The following GALNT2 variants were observed in gnomAD, a reference collection of about 807,000 sequenced individuals.
The protein encoded by GALNT2 is UDP-GalNAc:polypeptide N-acetylgalactosaminyltransferase 2.
In GALNT2, 31 loss-of-function variants were observed where a neutral mutation model predicts 81.4. The ratio of observed to expected loss-of-function variants is 0.38; its 90% CI spans 0.29 to 0.51. The LOEUF (loss-of-function observed/expected upper bound fraction) is 0.51. Ranked by LOEUF, GALNT2 falls within the 20% of genes least tolerant of loss-of-function variation. The pLI is 0.87. For synonymous variants in GALNT2, 303 were observed against 287.4 expected (o/e 1.05, Z -0.55); for missense variants, 629 against 765.7 (o/e 0.82, Z 2.11).
chr1:230,097,759 T>A (rs1660292441), intron 1 of GALNT2, among the ~76,000 whole-genome samples: 1 of 152,254 alleles, frequency 6.6e-6, no homozygotes, highest in Non-Finnish European at 1.5e-5. Flanking sequence ...TCATTTATTC[T>A]TGATATCTCA....
intron 1 of GALNT2, among the ~76,000 whole-genome samples, chr1:230,171,772 T>C (rs1412093016): frequency 6.6e-6 from 1 of 152,252 alleles, no homozygotes; most frequent in Non-Finnish European, 1.5e-5. Context: ...ATGTTTATTT[T>C]AGTGGTGTTT....
At chr1:230,255,883 G>A (rs755362082) in intron 11 of GALNT2, among the ~76,000 whole-genome samples, 21 of 152,264 alleles carry the variant, frequency 1.4e-4, no homozygotes, top group African/African-American at 1.9e-4. Flanking sequence ...CATTTTATGC[G>A]TCTCTAACCA....
intron 1 of GALNT2, among the ~76,000 whole-genome samples, chr1:230,170,103 C>T (rs1236057885): frequency 6.6e-6 from 1 of 152,188 alleles, no homozygotes; most frequent in Non-Finnish European, 1.5e-5. Flanking sequence ...TGTACTCTAC[C>T]CAGGTCTTCA....
At chr1:230,167,391 C>T (rs1262854819) in intron 1 of GALNT2, among the ~76,000 whole-genome samples, 1 of 152,232 alleles carries the variant, frequency 6.6e-6, no homozygotes, top group Non-Finnish European at 1.5e-5. Context: ...AAGTTGTCCT[C>T]CCACCTTGGC....
intron 14 of GALNT2, among the ~76,000 whole-genome samples, chr1:230,273,946 A>C (rs1666216786): frequency 6.6e-6 from 1 of 152,188 alleles, no homozygotes; most frequent in Admixed American, 6.5e-5. Flanking sequence ...TACACGATAT[A>C]TTTTGCTTAC....
intron 1 of GALNT2, among the ~76,000 whole-genome samples, chr1:230,094,929 C>G (rs1046710226): frequency 2.0e-5 from 3 of 152,084 alleles, no homozygotes; most frequent in African/African-American, 7.2e-5. Context: ...TGCCGTAGCT[C>G]CTACTGAGGG....
At chr1:230,260,465 T>C (rs1665846433) in intron 11 of GALNT2, among the ~76,000 whole-genome samples, 2 of 152,200 alleles carry the variant, frequency 1.3e-5, no homozygotes, top group Non-Finnish European at 2.9e-5. Flanking sequence ...AATTTTTAAG[T>C]GATTTAGTCA....
rs2102783457 is a variant in GALNT2, at chr1:230,275,876, CAG to C, written c.1560+1314_1560+1315del. 6.6e-6 allele frequency among the ~76,000 whole-genome samples: 1 copy of C among 150,832 alleles called. No individual in the cohort carries two copies. Among genetic ancestry groups the C allele is most frequent in the South Asian group, 2.1e-4 (1 of 4,800 alleles). On this transcript the variant is annotated intron_variant, in intron 15 of 15. Coordinates refer to ENST00000366672, the MANE Select transcript of GALNT2 (RefSeq NM_004481.5). The surrounding 1 kb of genome is among the most constrained non-coding windows in gnomAD (Gnocchi z 5.5). ...CATAGATATACATATATAAATGCCA[CAG>C]ATATATACATATATAAACACCACAT...
chr1:230,187,922 G>T (rs12565844), intron 2 of GALNT2, among the ~76,000 whole-genome samples: 26,294 of 151,288 alleles, frequency 0.17, 2,608 homozygotes, highest in South Asian at 0.34. Flanking sequence ...GTAGGGCCTG[G>T]GGTTTTTATG....
chr1:230,149,837 G>A (rs989228821), intron 1 of GALNT2, among the ~76,000 whole-genome samples: 1 of 152,094 alleles, frequency 6.6e-6, no homozygotes, highest in Admixed American at 6.5e-5. Flanking sequence ...CTCTTTAAGA[G>A]TTCTGTCTCC....
chr1:230,064,948 G>A (rs185626799), upstream of GALNT2, among the ~76,000 whole-genome samples: 2 of 152,202 alleles, frequency 1.3e-5, no homozygotes, highest in Admixed American at 6.5e-5. Flanking sequence ...AAATCTAATC[G>A]TTTTACTAAA....
At chr1:230,154,860 G>T (rs1017760676) in intron 1 of GALNT2, among the ~76,000 whole-genome samples, 3 of 152,154 alleles carry the variant, frequency 2.0e-5, no homozygotes, top group African/African-American at 2.4e-5. Context: ...GGCAGCCCTG[G>T]CATACTTACT....
intron 11 of GALNT2, 50 bp from the exon 12 acceptor site, chr1:230,262,523 T>C: frequency 2.7e-6 from 4 of 1,506,218 alleles, no homozygotes; most frequent in Non-Finnish European, 3.7e-6. Context: ...AATGGAGTGA[T>C]GCAGACAGAA....
intron 3 of GALNT2, among the ~76,000 whole-genome samples, chr1:230,217,683 A>C (rs560960073): frequency 1.3e-5 from 2 of 152,318 alleles, no homozygotes; most frequent in African/African-American, 4.8e-5. Context: ...GTCTGGTGAG[A>C]ATCTGGTTTC....
chr1:230,226,716 C>T (rs554840885), intron 3 of GALNT2, among the ~76,000 whole-genome samples: 7 of 152,216 alleles, frequency 4.6e-5, no homozygotes, highest in Non-Finnish European at 7.3e-5. Context: ...ATCGCACCCG[C>T]GGACATTTCT....
intron 3 of GALNT2, among the ~76,000 whole-genome samples, chr1:230,215,759 A>G (rs890529675): frequency 6.6e-6 from 1 of 152,244 alleles, no homozygotes; most frequent in Admixed American, 6.5e-5. Context: ...GTAAAACAAT[A>G]ATCATGCTTG....
rs1659353126 is a variant in GALNT2 at position 230,070,972 on chromosome 1, A to G, written c.126+3566A>G. On this transcript the variant is annotated intron_variant, in intron 1 of 15. Transcript: ENST00000366672. This position sits in a 1 kb window ranked among gnomAD's most constrained non-coding sequence, Gnocchi z 4.7. ...TTAGTGACCTTCACTGATGCATTGA[A>G]CCTCTCTGACCCTCAGTTTCCTCAT... Among the ~76,000 whole-genome samples the G allele has an allele frequency of 6.6e-6, 1 of 151,744 alleles. No individual in the cohort carries two copies. Among genetic ancestry groups the G allele is most frequent in the Non-Finnish European group, 1.5e-5 (1 of 67,934 alleles).
At chr1:230,082,160 C>T (rs1659753175) in intron 1 of GALNT2, among the ~76,000 whole-genome samples, 1 of 152,230 alleles carries the variant, frequency 6.6e-6, no homozygotes, top group Admixed American at 6.5e-5. Flanking sequence ...TCCTTCTTCT[C>T]TAGTCCGTGT....
intron 8 of GALNT2, among the ~76,000 whole-genome samples, chr1:230,248,033 G>T (rs1049600935): frequency 7.9e-5 from 12 of 152,108 alleles, no homozygotes; most frequent in African/African-American, 2.9e-4. Flanking sequence ...TCCTCTCTGT[G>T]CATTTCTGTC....
Sources: allele counts gnomAD v4.1 joint callset (sites outside exome capture counted in the v4.1 genomes callset), GRCh38; gene constraint gnomAD v4.1.1; non-coding constraint Gnocchi (gnomAD v3.1); transcripts MANE v1.5; gene names NCBI Gene and HGNC (gene_info 2026-07-23, HGNC 2026-07-21).